MIB1: variants seen among roughly 807,000 people sequenced by gnomAD.
MIB1 encodes the protein MIB E3 ubiquitin protein ligase 1.
MIB1 carries 278 observed loss-of-function variants against 124.5 expected under a neutral mutation model. That is an observed-to-expected ratio of 2.23 (90% confidence interval 2.02 to 2.47). The LOEUF (loss-of-function observed/expected upper bound fraction) is 2.47. MIB1 is among the 30% of genes most tolerant of loss of function. The pLI is 0.00. For synonymous variants in MIB1, 446 were observed against 429.4 expected (o/e 1.04, Z -0.48); for missense variants, 957 against 1,254.4 (o/e 0.76, Z 3.58).
intron 6 of MIB1, among the ~76,000 whole-genome samples, chr18:21,785,380 C>T (rs978840095): frequency 2.6e-5 from 4 of 152,000 alleles, no homozygotes; most frequent in East Asian, 1.9e-4. Flanking sequence ...TCTCCGCCCA[C>T]GAAGAAAAAA....
At chr18:21,724,929 A>T (rs2040734497) in intron 1 of MIB1, among the ~76,000 whole-genome samples, 1 of 145,052 alleles carries the variant, frequency 6.9e-6, no homozygotes, top group Admixed American at 6.9e-5. Flanking sequence ...TGTCTCTACT[A>T]AAAAAAATAC....
At chr18:21,783,363 C>T (rs1160317523) in intron 6 of MIB1, among the ~76,000 whole-genome samples, 1 of 151,976 alleles carries the variant, frequency 6.6e-6, no homozygotes, top group Non-Finnish European at 1.5e-5. Flanking sequence ...CTGTCTCAGC[C>T]TTCCGAGTAG....
chr18:21,815,086 TAAATA>T (rs1276160980), intron 10 of MIB1, among the ~76,000 whole-genome samples: 7 of 135,138 alleles, frequency 5.2e-5, no homozygotes, highest in Non-Finnish European at 6.3e-5. Flanking sequence ...TATATATAAA[TAAATA>T]AATACATATA....
At chr18:21,790,613 A>G (rs1410231265) in intron 6 of MIB1, among the ~76,000 whole-genome samples, 2 of 152,192 alleles carry the variant, frequency 1.3e-5, no homozygotes, top group Non-Finnish European at 2.9e-5. Context: ...ATGGAAAACA[A>G]CTAGATTATG....
chr18:21,771,874 C>G (rs2041227684), intron 3 of MIB1, among the ~76,000 whole-genome samples: 1 of 151,684 alleles, frequency 6.6e-6, no homozygotes, highest in Non-Finnish European at 1.5e-5. Flanking sequence ...GTGGTGGGCA[C>G]CTGTAATCCC....
At chr18:21,810,245 A>C (rs56144312) in intron 10 of MIB1, among the ~76,000 whole-genome samples, 1,564 of 152,236 alleles carry the variant, frequency 0.01, 25 homozygotes, top group African/African-American at 0.034. Flanking sequence ...AAATTAAAGA[A>C]GACAGATAAC....
intron 7 of MIB1, among the ~76,000 whole-genome samples, chr18:21,792,658 A>C (rs2041520378): frequency 6.6e-6 from 1 of 152,268 alleles, no homozygotes; most frequent in Non-Finnish European, 1.5e-5. Context: ...TTATTCAAAG[A>C]CACTTCACAG....
At chr18:21,851,219 C>G (rs1338941025) in intron 17 of MIB1, among the ~76,000 whole-genome samples, 1 of 152,046 alleles carries the variant, frequency 6.6e-6, no homozygotes, top group Non-Finnish European at 1.5e-5. Flanking sequence ...GATTCTTAAG[C>G]CCCTGTTCTT....
rs1239255663 is a variant in MIB1 at position 21,798,230 on chromosome 18, T to A, written c.1237+2T>A. 1 of 1,612,462 alleles carries A rather than the reference T, an allele frequency of 6.2e-7. No individual in the cohort carries two copies. Among genetic ancestry groups the A allele is most frequent in the East Asian group, 2.2e-5 (1 of 44,858 alleles). The stretch of plus-strand genomic sequence containing the variant: ...CAGCCATTAGCAATGCATCTGGTGG[T>A]ATGTTTTATATTGTGTTTCTTTAAG... On this transcript the variant is annotated splice_donor_variant, in intron 8 of 20. Coordinates refer to ENST00000261537, the MANE Select transcript of MIB1 (RefSeq NM_020774.4). LOFTEE classifies it high-confidence loss of function.
intron 1 of MIB1, among the ~76,000 whole-genome samples, chr18:21,718,097 G>C (rs150745899): frequency 6.6e-6 from 1 of 152,180 alleles, no homozygotes; most frequent in Admixed American, 6.5e-5. Context: ...GCAGCCACCT[G>C]GATGAGATTG....
chr18:21,850,171 C>T (rs1794064946), intron 17 of MIB1, among the ~76,000 whole-genome samples: 1 of 151,978 alleles, frequency 6.6e-6, no homozygotes, highest in African/African-American at 2.4e-5. Flanking sequence ...TATAACTGTA[C>T]CAGATTACTA....
chr18:21,857,047 T>G (rs1307738730), intron 18 of MIB1, 83 bp from the exon 19 acceptor site: 3 of 864,436 alleles, frequency 3.5e-6, no homozygotes, highest in African/African-American at 3.3e-5. Context: ...GTGTGAAATT[T>G]AAGTCATAAA....
In MIB1 at chr18:21,858,643, G is replaced by A; in HGVS notation, c.2877G>A (p.Glu959=). The A allele has an allele frequency of 6.6e-7, 1 of 1,517,270 alleles. No homozygotes were observed. Among genetic ancestry groups the A allele is most frequent in the Non-Finnish European group, 9.2e-7 (1 of 1,092,394 alleles). The allele number at this position is 1,517,270 out of a possible 1,614,324, so 94.0% of individuals were successfully genotyped here. A position where few individuals can be genotyped will look rare whatever the true frequency, so the allele number is the denominator to read the frequency against. ...AGCAACAGTTACAAGACATTAAAGA[G>A]CAGGTAATAATGATTTCATGTAAAC... is the stretch of plus-strand genomic sequence containing the variant. ...KLQQQLQDIK[E]QTMCPVCLDR... is the part of the protein sequence containing the mutation. Residue 959 remains glutamate, a synonymous_variant, in exon 20 of 21, where the codon GAG becomes GAA. Coordinates refer to ENST00000261537, the MANE Select transcript of MIB1 (RefSeq NM_020774.4).
intron 19 of MIB1, among the ~76,000 whole-genome samples, chr18:21,858,297 G>A (rs2042245460): frequency 1.3e-5 from 2 of 152,154 alleles, no homozygotes; most frequent in Non-Finnish European, 2.9e-5. Flanking sequence ...GTCTGTGTCT[G>A]GATTGTGCTC....
chr18:21,728,475 G>A (rs991648875), intron 1 of MIB1, among the ~76,000 whole-genome samples: 4 of 151,700 alleles, frequency 2.6e-5, no homozygotes, highest in African/African-American at 9.7e-5. Flanking sequence ...CCTGGGAGAC[G>A]AGAAAAAAAC....
At chr18:21,800,123 C>A in intron 9 of MIB1, 149 bp downstream of exon 9, 1 of 564,994 alleles carries the variant, frequency 1.8e-6, no homozygotes, top group Non-Finnish European at 2.9e-6. Context: ...AGACATCAGA[C>A]ATTCTTCAGT....
intron 1 of MIB1, among the ~76,000 whole-genome samples, chr18:21,760,777 G>A (rs930086913): frequency 7.9e-5 from 12 of 152,202 alleles, no homozygotes; most frequent in Non-Finnish European, 4.4e-5. Context: ...GTTGAATGGG[G>A]TAGTTGGGAT....
chr18:21,857,901 T>G (rs1417822454), intron 19 of MIB1, among the ~76,000 whole-genome samples: 1 of 152,244 alleles, frequency 6.6e-6, no homozygotes, highest in Admixed American at 6.5e-5. Flanking sequence ...TGTCTGAGGC[T>G]TTTGTCTTTA....
intron 1 of MIB1, among the ~76,000 whole-genome samples, chr18:21,753,721 G>T (rs2041000969): frequency 6.6e-6 from 1 of 151,818 alleles, no homozygotes; most frequent in Non-Finnish European, 1.5e-5. Context: ...TTGTTGCCCA[G>T]GCTGGAGTGC....
Sources: allele counts gnomAD v4.1 joint callset (sites outside exome capture counted in the v4.1 genomes callset), GRCh38; gene constraint gnomAD v4.1.1; transcripts MANE v1.5; gene names NCBI Gene and HGNC (gene_info 2026-07-23, HGNC 2026-07-21).